Variants in ELAVL1 observed in about 807,000 individuals in gnomAD.
ELAVL1 encodes the protein ELAV like RNA binding protein 1, also known as ELAV-like protein 1.
A neutral mutation model predicts 28.4 loss-of-function variants in ELAVL1; 1 was observed. The observed-to-expected ratio is 0.04, with a 90% CI of 0.01 to 0.17. The LOEUF (loss-of-function observed/expected upper bound fraction) is 0.17, where lower values mean the gene tolerates loss of function less well. ELAVL1 is among the 10% of genes least tolerant of loss of function. The pLI, the probability that ELAVL1 is intolerant of heterozygous loss-of-function variation, is 1.00. For missense variants in ELAVL1, 157 were observed against 447.2 expected, an observed-to-expected ratio of 0.35 and a Z score of 5.85; for synonymous variants, 174 against 183.5, an observed-to-expected ratio of 0.95 and a Z score of 0.42.
intron 4 of ELAVL1, 21 bp downstream of exon 4, chr19:7,973,704 C>G: frequency 6.2e-7 from 1 of 1,607,982 alleles, no homozygotes; most frequent in Non-Finnish European, 8.5e-7. Context: ...CCTCCCCACG[C>G]GTCTGGGGCC....
At chr19:7,966,948 G>A (rs575136464) in intron 5 of ELAVL1, among the ~76,000 whole-genome samples, 11 of 151,966 alleles carry the variant, frequency 7.2e-5, no homozygotes, top group Non-Finnish European at 1.2e-4. Flanking sequence ...TCGCGGCTCC[G>A]TTCTGCTGTT....
chr19:7,980,822 G>C (rs1356118215), intron 3 of ELAVL1, among the ~76,000 whole-genome samples: 2 of 152,158 alleles, frequency 1.3e-5, no homozygotes, highest in African/African-American at 4.8e-5. Flanking sequence ...CCAGGGATGG[G>C]AACACAGAGA....
rs1206801858 is a variant in ELAVL1, at chr19:7,981,703, CAA to C, written c.173-519_173-518del. On this transcript the variant is annotated intron_variant, in intron 2 of 5. Coordinates refer to ENST00000407627, the MANE Select transcript of ELAVL1 (RefSeq NM_001419.3). The surrounding 1 kb of genome is among the most constrained non-coding windows in gnomAD (Gnocchi z 4.2). ...TTTACTTTTGTAATTAAAATAACCC[CAA>C]AAGTTATTTACAAAGGAGTATTTTT... Among the ~76,000 whole-genome samples the C allele has an allele frequency of 6.6e-6, 1 of 152,152 alleles. No homozygotes were observed. Among genetic ancestry groups the C allele is most frequent in the African/African-American group, 2.4e-5 (1 of 41,418 alleles).
chr19:8,002,561 C>G (rs1041965508), intron 1 of ELAVL1, among the ~76,000 whole-genome samples: 14 of 152,246 alleles, frequency 9.2e-5, no homozygotes, highest in East Asian at 7.7e-4. Context: ...CTACTGCCAC[C>G]TAGGGGCGCC....
chr19:7,980,590 G>A (rs927465510), intron 3 of ELAVL1, among the ~76,000 whole-genome samples: 17 of 152,170 alleles, frequency 1.1e-4, no homozygotes, highest in Non-Finnish European at 2.4e-4. Flanking sequence ...GTCACCTGCC[G>A]CTGTGAAGCC....
chr19:8,002,046 G>C lies in ELAVL1; in HGVS notation c.-17+3449C>G, dbSNP rs1351614534. ...TAAAACTGCTCAGTAGCCACCCCTG[G>C]CCTACCTGCAGGGTAACAGCCAAGC... On this transcript the variant is annotated intron_variant, in intron 1 of 5. Coordinates refer to ENST00000407627, the MANE Select transcript of ELAVL1 (RefSeq NM_001419.3). 3.9e-6 allele frequency: 5 copies of C among 1,289,102 alleles called. No individual in the cohort carries two copies. The African/African-American group carries it at 7.6e-5, about 20-fold the overall frequency. The allele number at this position is 1,289,102 out of a possible 1,614,324, so 79.9% of individuals were successfully genotyped here. A position where few individuals can be genotyped will look rare whatever the true frequency, so the allele number is the denominator to read the frequency against.
At chr19:7,964,140 AAGGT>A (rs778635170) in intron 5 of ELAVL1, among the ~76,000 whole-genome samples, 143 of 152,218 alleles carry the variant, frequency 9.4e-4, no homozygotes, top group Admixed American at 1.8e-3. Flanking sequence ...TCCTCCGTTG[AAGGT>A]AGAAATGCTC....
intron 2 of ELAVL1, among the ~76,000 whole-genome samples, chr19:7,983,475 G>C (rs1160148657): frequency 2.6e-5 from 4 of 152,214 alleles, no homozygotes; most frequent in Non-Finnish European, 5.9e-5. Context: ...GGGATGGCAA[G>C]GGCAGGACCA....
chr19:7,995,571 TATAG>T (rs1236452742), intron 1 of ELAVL1, among the ~76,000 whole-genome samples: 1 of 152,238 alleles, frequency 6.6e-6, no homozygotes, highest in Non-Finnish European at 1.5e-5. Context: ...ATTGTCTGTC[TATAG>T]ATAGTTTTGT....
At chr19:7,996,342 C>T (rs1392026825) in intron 1 of ELAVL1, among the ~76,000 whole-genome samples, 1 of 151,982 alleles carries the variant, frequency 6.6e-6, no homozygotes, top group African/African-American at 2.4e-5. Context: ...CCACCATGCC[C>T]AGCTAATTTT....
At chr19:7,996,494 C>T (rs1281880357) in intron 1 of ELAVL1, among the ~76,000 whole-genome samples, 1 of 150,408 alleles carries the variant, frequency 6.6e-6, no homozygotes, top group Non-Finnish European at 1.5e-5. Flanking sequence ...TGGCCCAGAA[C>T]ACTTTTTTTT....
intron 1 of ELAVL1, among the ~76,000 whole-genome samples, chr19:7,996,240 G>A (rs1834700165): frequency 6.7e-6 from 1 of 149,888 alleles, no homozygotes; most frequent in African/African-American, 2.5e-5. Context: ...GGAGTGCAGT[G>A]GCATGATCTC....
rs760717037 is a variant in ELAVL1, at chr19:7,963,624, G to A, written c.840C>T (p.Asn280=). 8.1e-6 allele frequency: 13 copies of A among 1,614,164 alleles called. No individual in the cohort carries two copies. Among genetic ancestry groups the A allele is most frequent in the Non-Finnish European group, 1.0e-5 (12 of 1,180,058 alleles). The change falls in exon 6 of 6, where the codon AAC becomes AAT. Residue 280 remains asparagine, a synonymous_variant. Coordinates refer to ENST00000407627, the MANE Select transcript of ELAVL1 (RefSeq NM_001419.3). This position sits in a 1 kb window ranked among gnomAD's most constrained non-coding sequence, Gnocchi z 4.5. ...AGCCAAACCCTTTGCACTTGTTGGT[G>A]TTGAAGTCGCGGATCACTTTCACAT... The part of the protein sequence containing the change: ...VTNVKVIRDF[N]TNKCKGFGFV...
intron 2 of ELAVL1, among the ~76,000 whole-genome samples, chr19:7,983,913 G>A (rs1319546196): frequency 6.6e-6 from 1 of 152,060 alleles, no homozygotes; most frequent in Non-Finnish European, 1.5e-5. Flanking sequence ...GCTCAGGGTA[G>A]GGCCTACCCT....
chr19:7,996,528 T>C (rs1344439971), intron 1 of ELAVL1, among the ~76,000 whole-genome samples: 1 of 150,630 alleles, frequency 6.6e-6, no homozygotes, highest in East Asian at 2.0e-4. Context: ...AGAAGCAGGC[T>C]AGTGTGCTGG....
At chr19:7,969,280 T>C (rs1210219535) in intron 4 of ELAVL1, among the ~76,000 whole-genome samples, 1 of 152,152 alleles carries the variant, frequency 6.6e-6, no homozygotes, top group Non-Finnish European at 1.5e-5. Context: ...TGGTGCATGG[T>C]AACAAACAAC....
chr19:7,973,801 G>A lies in ELAVL1; in HGVS notation c.354C>T (p.Thr118=). ...AGAACATGTCTTCTACGTCCTTCTG[G>A]GTCATGGTCCGCGGGAGCCCGCTGA... is the stretch of plus-strand genomic sequence containing the variant. ...LYISGLPRTM[T]QKDVEDMFSR... The change falls in exon 4 of 6, where the codon ACC becomes ACT. Residue 118 remains threonine, a synonymous_variant. Transcript: ENST00000407627. 6.2e-7 allele frequency: 1 copy of A among 1,614,092 alleles called. No individual in the cohort carries two copies. The highest frequency in any genetic ancestry group is 8.5e-7 in the Non-Finnish European group (1 of 1,180,020).
At chr19:7,992,086 GT>G (rs1985768219) in intron 1 of ELAVL1, among the ~76,000 whole-genome samples, 4 of 151,884 alleles carry the variant, frequency 2.6e-5, no homozygotes, top group Admixed American at 2.6e-4. Context: ...GATTACAGGC[GT>G]CTGCCACCAT....
chr19:7,998,178 C>T (rs1286196006), intron 1 of ELAVL1, among the ~76,000 whole-genome samples: 4 of 152,168 alleles, frequency 2.6e-5, no homozygotes, highest in African/African-American at 9.7e-5. Flanking sequence ...CTTCCCTTGA[C>T]CTTCTCCAAA....
Sources: gnomAD v4.1 joint callset for allele counts (sites outside exome capture counted in the v4.1 genomes callset) on GRCh38, gnomAD v4.1.1 for gene constraint, Gnocchi (gnomAD v3.1) non-coding constraint, MANE v1.5 for transcripts, NCBI Gene and HGNC (gene_info 2026-07-23, HGNC 2026-07-21) for gene names.